The following GRM5 variants were observed in gnomAD, a reference collection of about 807,000 sequenced individuals.
The protein encoded by GRM5 is glutamate metabotropic receptor 5.
GRM5 carries 19 observed loss-of-function variants against 83.1 expected under a neutral mutation model. The observed-to-expected ratio is 0.23, with a 90% CI of 0.16 to 0.34. The LOEUF (loss-of-function observed/expected upper bound fraction) is 0.34, where lower values mean the gene tolerates loss of function less well. Ranked by LOEUF, GRM5 falls within the 10% of genes least tolerant of loss-of-function variation. The probability of loss-of-function intolerance (pLI) is 1.00; values close to 1 mark genes in which losing one functional copy is unlikely to be tolerated. For synonymous variants in GRM5, 675 were observed against 633.6 expected (o/e 1.07, Z -0.98); for missense variants, 1,160 against 1,588.3 (o/e 0.73, Z 4.58).
At chr11:88,990,004 T>C (rs1391595156) in intron 2 of GRM5, among the ~76,000 whole-genome samples, 3 of 151,296 alleles carry the variant, frequency 2.0e-5, no homozygotes, top group Non-Finnish European at 2.9e-5. Context: ...CAAGAAATAA[T>C]TAAAATCAGA....
chr11:88,542,432 G>A (rs563321110), intron 8 of GRM5, among the ~76,000 whole-genome samples: 46 of 152,278 alleles, frequency 3.0e-4, no homozygotes, highest in African/African-American at 9.9e-4. Context: ...GCAAGCATAC[G>A]TAACAGGCAC....
At chr11:88,987,765 G>A (rs1000051240) in intron 2 of GRM5, among the ~76,000 whole-genome samples, 88 of 151,776 alleles carry the variant, frequency 5.8e-4, no homozygotes, top group Non-Finnish European at 1.0e-3. Context: ...CACCTCACAC[G>A]GCAGGGTACT....
intron 2 of GRM5, among the ~76,000 whole-genome samples, chr11:88,928,303 T>C (rs149242220): frequency 4.3e-4 from 66 of 152,152 alleles, no homozygotes; most frequent in African/African-American, 1.4e-3. Context: ...CCCAGTTACT[T>C]CATCTGTGGT....
chr11:88,643,306 A>G (rs1183387184), intron 4 of GRM5, among the ~76,000 whole-genome samples: 2 of 152,070 alleles, frequency 1.3e-5, no homozygotes, highest in Admixed American at 1.3e-4. Context: ...CTCATTCACT[A>G]TTGCAAGAAC....
At chr11:89,013,751 A>G (rs1253702928) in intron 2 of GRM5, among the ~76,000 whole-genome samples, 1 of 152,206 alleles carries the variant, frequency 6.6e-6, no homozygotes, top group Non-Finnish European at 1.5e-5. Context: ...GGTTTTTACA[A>G]CCCAAATCCA....
chr11:88,900,017 G>A (rs182623651), intron 2 of GRM5, among the ~76,000 whole-genome samples: 80 of 152,098 alleles, frequency 5.3e-4, no homozygotes, highest in East Asian at 4.6e-3. Context: ...TATGGAGACC[G>A]TCTCATATTA....
chr11:88,967,250 T>TATATATATATATATATATACAC (rs1555050440), intron 2 of GRM5, among the ~76,000 whole-genome samples: 81 of 2,082 alleles, frequency 0.039, no homozygotes, highest in Admixed American at 0.15. Flanking sequence ...TATATACACA[T>TATATATATATATATATATACAC]ATATATATAT....
chr11:88,974,360 T>C (rs1433360085), intron 2 of GRM5, among the ~76,000 whole-genome samples: 2 of 145,978 alleles, frequency 1.4e-5, no homozygotes, highest in East Asian at 2.0e-4. Context: ...AACAGTGTTA[T>C]CTCCCTGGCA....
Position 88,636,826 on chromosome 11 carries a change from T to G in GRM5, c.1147+16342A>C, listed in dbSNP as rs181926240. On this transcript the variant is annotated intron_variant, in intron 4 of 9. Coordinates refer to ENST00000305447, the MANE Select transcript of GRM5 (RefSeq NM_001143831.3). Reference sequence around the variant, plus strand: ...AATAGGGAATCCTTTCCCCATTGCTTGTTTTTCTCAGGTTTGTCAAAGATC... The same window carrying G: ...AATAGGGAATCCTTTCCCCATTGCTGGTTTTTCTCAGGTTTGTCAAAGATC... 6.1e-3 allele frequency among the ~76,000 whole-genome samples: 922 copies of G among 152,274 alleles called. 11 individuals carry two copies. The highest frequency in any genetic ancestry group is 0.021 in the African/African-American group (885 of 41,558).
chr11:89,014,764 G>T (rs572715242), intron 2 of GRM5, among the ~76,000 whole-genome samples: 1 of 152,060 alleles, frequency 6.6e-6, no homozygotes, highest in East Asian at 1.9e-4. Flanking sequence ...TATTGCATGC[G>T]TGTATCAAAA....
At chr11:88,534,406 G>A (rs1315132967) in intron 8 of GRM5, among the ~76,000 whole-genome samples, 1 of 152,238 alleles carries the variant, frequency 6.6e-6, no homozygotes, top group African/African-American at 2.4e-5. Flanking sequence ...GCGTGACCTG[G>A]ATGTGAGACA....
chr11:88,819,372 T>G lies in GRM5; in HGVS notation c.911+30534A>C, dbSNP rs115689272. ...AGTAGATATGCTACTGAAGAATATT[T>G]TTCAGTTGCTATTAATAAACATTAT... On this transcript the variant is annotated intron_variant, in intron 3 of 9. Coordinates refer to ENST00000305447, the MANE Select transcript of GRM5 (RefSeq NM_001143831.3). Among the ~76,000 whole-genome samples the G allele has an allele frequency of 8.4e-3, 1,284 of 152,324 alleles. 15 individuals are homozygous for G. The highest frequency in any genetic ancestry group is 0.029 in the African/African-American group (1,198 of 41,570).
At chr11:88,552,829 C>T (rs1942542055) in intron 8 of GRM5, among the ~76,000 whole-genome samples, 1 of 152,128 alleles carries the variant, frequency 6.6e-6, no homozygotes, top group Admixed American at 6.6e-5. Flanking sequence ...ACTATTCTCC[C>T]TGGAGATACA....
At chr11:89,041,823 T>A (rs941144250) in intron 2 of GRM5, among the ~76,000 whole-genome samples, 14 of 152,242 alleles carry the variant, frequency 9.2e-5, no homozygotes, top group Non-Finnish European at 1.6e-4. Context: ...AGTTTCTGCA[T>A]CTTCTAAATT....
At chr11:88,923,880 A>T (rs1490742531) in intron 2 of GRM5, among the ~76,000 whole-genome samples, 3 of 151,458 alleles carry the variant, frequency 2.0e-5, no homozygotes, top group Non-Finnish European at 4.4e-5. Context: ...GTGAGTATAC[A>T]TATGAATATA....
intron 3 of GRM5, among the ~76,000 whole-genome samples, chr11:88,749,471 G>T (rs572658184): frequency 1.1e-4 from 16 of 152,182 alleles, no homozygotes; most frequent in African/African-American, 3.4e-4. Context: ...GACAGATTGG[G>T]GTACCAAAAA....
At chr11:88,791,428 C>A (rs1943169911) in intron 3 of GRM5, among the ~76,000 whole-genome samples, 1 of 152,152 alleles carries the variant, frequency 6.6e-6, no homozygotes. Context: ...AAAGACTGAA[C>A]CTTCAGCAAA....
intron 2 of GRM5, among the ~76,000 whole-genome samples, chr11:88,975,847 T>C (rs1182126037): frequency 2.0e-5 from 3 of 152,204 alleles, no homozygotes; most frequent in Admixed American, 2.0e-4. Flanking sequence ...GGTAAGTCAA[T>C]TGTGCCTCCA....
At chr11:88,799,742 A>G (rs1943353394) in intron 3 of GRM5, among the ~76,000 whole-genome samples, 1 of 152,192 alleles carries the variant, frequency 6.6e-6, no homozygotes, top group Non-Finnish European at 1.5e-5. Context: ...CCATGGTCAC[A>G]GCAGTTCTAC....
Sources: gnomAD v4.1 joint callset for allele counts (sites outside exome capture counted in the v4.1 genomes callset) on GRCh38, gnomAD v4.1.1 for gene constraint, MANE v1.5 for transcripts, NCBI Gene and HGNC (gene_info 2026-07-23, HGNC 2026-07-21) for gene names.